Variants in SHISA9 observed in about 807,000 individuals in gnomAD.
The protein encoded by SHISA9 is shisa family member 9.
Under a neutral mutation model 38.0 loss-of-function variants are expected in SHISA9, and 13 were observed. That is an observed-to-expected ratio of 0.34 (90% confidence interval 0.22 to 0.54). SHISA9 has a LOEUF of 0.54. SHISA9 is among the 20% of genes least tolerant of loss of function. SHISA9 has a pLI of 0.91. For synonymous variants in SHISA9, 275 were observed against 242.0 expected (o/e 1.14, Z -1.27); for missense variants, 538 against 575.8 (o/e 0.93, Z 0.67).
At chr16:13,471,395 C>T in the SHISA9 span, among the ~76,000 whole-genome samples, 3 of 152,102 alleles carry the variant, frequency 2.0e-5, no homozygotes, top group Non-Finnish European at 4.4e-5. Flanking sequence ...TAGGAAACAC[C>T]ACTCTGTTTT....
At chr16:13,433,331 C>T in the SHISA9 span, among the ~76,000 whole-genome samples, 2 of 152,088 alleles carry the variant, frequency 1.3e-5, no homozygotes, top group Non-Finnish European at 1.5e-5. Context: ...GTCTGTAAAT[C>T]TGAAGTAACC....
intron 2 of SHISA9, among the ~76,000 whole-genome samples, chr16:13,185,093 T>C (rs1467878771): frequency 1.3e-5 from 2 of 152,230 alleles, no homozygotes; most frequent in African/African-American, 4.8e-5. Context: ...CTTGGCATTG[T>C]CAGATTTGTG....
intron 2 of SHISA9, among the ~76,000 whole-genome samples, chr16:12,985,442 A>T (rs897164581): frequency 6.6e-6 from 1 of 152,056 alleles, no homozygotes; most frequent in African/African-American, 2.4e-5. Flanking sequence ...GACTATGACC[A>T]CCTTGAAAAC....
At chr16:13,078,204 A>G (rs1010767185) in intron 2 of SHISA9, among the ~76,000 whole-genome samples, 22 of 152,228 alleles carry the variant, frequency 1.4e-4, no homozygotes, top group African/African-American at 5.3e-4. Flanking sequence ...GGACCCCCCA[A>G]GGATACCAAA....
chr16:13,024,122 A>G (rs1175343712), intron 2 of SHISA9, among the ~76,000 whole-genome samples: 1 of 152,166 alleles, frequency 6.6e-6, no homozygotes, highest in African/African-American at 2.4e-5. Flanking sequence ...CTCCATTTTA[A>G]AGGTGGAGAG....
At chr16:13,217,331 C>T (rs1423697509) in intron 4 of SHISA9, among the ~76,000 whole-genome samples, 1 of 152,090 alleles carries the variant, frequency 6.6e-6, no homozygotes, top group East Asian at 1.9e-4. Context: ...CCCTGGAAGA[C>T]ACCATCTCAA....
chr16:13,162,215 A>G (rs1261076706), intron 2 of SHISA9, among the ~76,000 whole-genome samples: 1 of 152,170 alleles, frequency 6.6e-6, no homozygotes. Context: ...GACAGAGTGT[A>G]TGCATATTAT....
the SHISA9 span, among the ~76,000 whole-genome samples, chr16:13,368,003 C>T: frequency 6.6e-5 from 10 of 151,924 alleles, no homozygotes; most frequent in African/African-American, 1.9e-4. Context: ...TGCACTGCAC[C>T]CACTAACTCG....
intron 2 of SHISA9, among the ~76,000 whole-genome samples, chr16:13,042,442 CCAAA>C (rs937774811): frequency 1.3e-5 from 2 of 152,108 alleles, no homozygotes; most frequent in African/African-American, 4.8e-5. Flanking sequence ...CCCAGGCTTC[CCAAA>C]CAGAGACACT....
intron 2 of SHISA9, among the ~76,000 whole-genome samples, chr16:13,035,594 G>A (rs1390511875): frequency 1.3e-5 from 2 of 151,880 alleles, no homozygotes; most frequent in Non-Finnish European, 2.9e-5. Flanking sequence ...GCACTGGAGT[G>A]ATGTCGGCTC....
At chr16:12,993,902 G>A (rs148693965) in intron 2 of SHISA9, among the ~76,000 whole-genome samples, 1 of 152,202 alleles carries the variant, frequency 6.6e-6, no homozygotes, top group African/African-American at 2.4e-5. Context: ...GGGAATGGCT[G>A]GGGGACAGGA....
At chr16:12,906,143 T>C (rs1165188650) in intron 1 of SHISA9, among the ~76,000 whole-genome samples, 1 of 152,108 alleles carries the variant, frequency 6.6e-6, no homozygotes, top group East Asian at 1.9e-4. Context: ...CAGGTGAAAT[T>C]AACCTGCCAG....
intron 2 of SHISA9, among the ~76,000 whole-genome samples, chr16:13,131,114 AT>A (rs2050302586): frequency 3.8e-4 from 1 of 2,618 alleles, no homozygotes; most frequent in South Asian, 7.5e-3. Context: ...ATTACTGGGT[AT>A]TATATACCCA....
At chr16:13,175,399 A>T (rs1251412466) in intron 2 of SHISA9, among the ~76,000 whole-genome samples, 1 of 152,180 alleles carries the variant, frequency 6.6e-6, no homozygotes, top group East Asian at 1.9e-4. Context: ...TAAAACAAAA[A>T]TAAAAAGATT....
At chr16:13,103,488 G>A (rs2073898577) in intron 2 of SHISA9, among the ~76,000 whole-genome samples, 1 of 152,156 alleles carries the variant, frequency 6.6e-6, no homozygotes, top group Admixed American at 6.5e-5. Context: ...AGAAAGCCAG[G>A]GACACAGGTG....
chr16:13,047,576 G>A (rs2073202205), intron 2 of SHISA9, among the ~76,000 whole-genome samples: 3 of 152,108 alleles, frequency 2.0e-5, no homozygotes, highest in Admixed American at 2.0e-4. Context: ...GCTTTCGGGA[G>A]GGTGCCTGGA....
intron 2 of SHISA9, among the ~76,000 whole-genome samples, chr16:13,019,951 CTTTCTT>C (rs1448121887): frequency 9.4e-5 from 10 of 106,078 alleles, no homozygotes; most frequent in South Asian, 3.4e-4. Context: ...TTCTTTCTTT[CTTTCTT>C]TCCCTCCTTC....
At chr16:13,227,591 A>G (rs564029474) in intron 4 of SHISA9, among the ~76,000 whole-genome samples, 2 of 152,324 alleles carry the variant, frequency 1.3e-5, no homozygotes, top group East Asian at 3.9e-4. Context: ...GTAACTGGAT[A>G]TATAAATTTT....
chr16:13,046,035 C>T (rs915219755), intron 2 of SHISA9, among the ~76,000 whole-genome samples: 2 of 152,200 alleles, frequency 1.3e-5, no homozygotes, highest in African/African-American at 4.8e-5. Context: ...TTAATTTTCT[C>T]CAAATGCAAT....
Sources: gnomAD v4.1 joint callset for allele counts (sites outside exome capture counted in the v4.1 genomes callset) on GRCh38, gnomAD v4.1.1 for gene constraint, MANE v1.5 for transcripts, NCBI Gene and HGNC (gene_info 2026-07-23, HGNC 2026-07-21) for gene names.